ACAD11: variants seen among roughly 807,000 people sequenced by gnomAD.
ACAD11 encodes the protein acyl-Coenzyme A dehydrogenase family, member 11.
Under a neutral mutation model 102.2 loss-of-function variants are expected in ACAD11, and 83 were observed. The observed-to-expected ratio is 0.81, with a 90% CI of 0.68 to 0.97. The LOEUF is 0.97. Ranked by LOEUF, ACAD11 falls within the 50% of genes least tolerant of loss-of-function variation. The pLI is 0.00. For synonymous variants in ACAD11, 324 were observed against 319.8 expected (o/e 1.01, Z -0.14); for missense variants, 901 against 951.7 (o/e 0.95, Z 0.70).
In ACAD11 at chr3:132,618,716, G is replaced by C. The variant is rs773619471; in HGVS notation, c.1332C>G (p.Leu444=). ...WNLFLPAVSG[L]SHVDYALIAE... is the part of the protein sequence containing the mutation. Reference sequence around the variant, plus strand: ...CAATCAAGGCATAGTCCACGTGGCTGAGTCCGCTGACAGCTGGCAAAAACA... The same window carrying C: ...CAATCAAGGCATAGTCCACGTGGCTCAGTCCGCTGACAGCTGGCAAAAACA... Residue 444 remains leucine, a synonymous_variant, in exon 11 of 20, where the codon CTC becomes CTG. Transcript: ENST00000264990. 6.2e-6 allele frequency: 10 copies of C among 1,603,726 alleles called. No homozygotes were observed. Among genetic ancestry groups the C allele is most frequent in the Non-Finnish European group, 8.5e-6 (10 of 1,175,860 alleles).
chr3:132,607,859 G>A (rs904978340), intron 11 of ACAD11, among the ~76,000 whole-genome samples: 1 of 152,054 alleles, frequency 6.6e-6, no homozygotes, highest in African/African-American at 2.4e-5. Flanking sequence ...GAAAAAATGT[G>A]AGGGGCAGCC....
chr3:132,598,517 C>T (rs1938414996), intron 13 of ACAD11, among the ~76,000 whole-genome samples: 1 of 152,164 alleles, frequency 6.6e-6, no homozygotes, highest in Admixed American at 6.5e-5. Context: ...CCTAGAGGAA[C>T]AAGGTAGTAT....
At chr3:132,582,280 A>G (rs985356712) in intron 13 of ACAD11, among the ~76,000 whole-genome samples, 1 of 151,910 alleles carries the variant, frequency 6.6e-6, no homozygotes, top group African/African-American at 2.4e-5. Flanking sequence ...ATTAAGAAAG[A>G]GAAAAAATAT....
chr3:132,606,657 C>A (rs1938850532), intron 11 of ACAD11, among the ~76,000 whole-genome samples: 1 of 152,210 alleles, frequency 6.6e-6, no homozygotes, highest in Non-Finnish European at 1.5e-5. Flanking sequence ...AAACTCCCAT[C>A]TCCCTGGGAC....
intron 17 of ACAD11, among the ~76,000 whole-genome samples, chr3:132,562,963 C>A (rs1937105956): frequency 6.6e-6 from 1 of 152,150 alleles, no homozygotes; most frequent in South Asian, 2.1e-4. Context: ...TTACCTTTTA[C>A]ATTTAGATCT....
intron 13 of ACAD11, 147 bp from the exon 14 acceptor site, chr3:132,579,705 G>GT: frequency 1.6e-6 from 1 of 628,200 alleles, no homozygotes; most frequent in Non-Finnish European, 2.7e-6. Flanking sequence ...TAATTCTTTT[G>GT]TAACACTCTA....
At chr3:132,650,866 T>A (rs934994638) in intron 1 of ACAD11, among the ~76,000 whole-genome samples, 2 of 152,154 alleles carry the variant, frequency 1.3e-5, no homozygotes, top group African/African-American at 4.8e-5. Context: ...CTTTTATACT[T>A]GTTTACTGCA....
intron 17 of ACAD11, among the ~76,000 whole-genome samples, chr3:132,573,383 G>T (rs1181481187): frequency 6.6e-6 from 1 of 151,956 alleles, no homozygotes; most frequent in Admixed American, 6.6e-5. Context: ...AAAATATAAA[G>T]TATCTCATTA....
At chr3:132,645,472 C>T (rs1940683073) in intron 1 of ACAD11, among the ~76,000 whole-genome samples, 2 of 152,148 alleles carry the variant, frequency 1.3e-5, no homozygotes, top group African/African-American at 2.4e-5. Context: ...CATTGACTTT[C>T]CCTGCCAGAT....
chr3:132,641,235 A>T (rs1940480432), intron 4 of ACAD11, among the ~76,000 whole-genome samples: 1 of 152,116 alleles, frequency 6.6e-6, no homozygotes, highest in African/African-American at 2.4e-5. Flanking sequence ...AATGTCTGCT[A>T]GTCCAATTGA....
intron 13 of ACAD11, among the ~76,000 whole-genome samples, chr3:132,596,211 A>G (rs918957795): frequency 3.9e-5 from 6 of 152,196 alleles, no homozygotes; most frequent in Admixed American, 3.3e-4. Flanking sequence ...GTTCTCACTT[A>G]TAAGTGGGAG....
intron 11 of ACAD11, among the ~76,000 whole-genome samples, chr3:132,607,053 G>A (rs1220199305): frequency 6.6e-6 from 1 of 152,140 alleles, no homozygotes; most frequent in African/African-American, 2.4e-5. Flanking sequence ...GACTCAGAAG[G>A]AAAACTAACA....
chr3:132,621,276 T>C (rs552493996), intron 9 of ACAD11: 12 of 152,208 alleles, frequency 7.9e-5, no homozygotes, highest in African/African-American at 2.4e-4. Context: ...AGTAGGGCAG[T>C]GCATCAGTCT....
chr3:132,567,341 C>T (rs1937241841), intron 17 of ACAD11, among the ~76,000 whole-genome samples: 1 of 152,050 alleles, frequency 6.6e-6, no homozygotes, highest in African/African-American at 2.4e-5. Flanking sequence ...AATGTCTATA[C>T]TTGACTCAAA....
chr3:132,613,757 G>A (rs769827309), intron 11 of ACAD11, among the ~76,000 whole-genome samples: 2 of 152,068 alleles, frequency 1.3e-5, no homozygotes, highest in African/African-American at 2.4e-5. Flanking sequence ...AAATTAGTCG[G>A]GCATGGTGGC....
At chr3:132,588,223 A>G (rs984671095) in intron 13 of ACAD11, among the ~76,000 whole-genome samples, 2 of 151,726 alleles carry the variant, frequency 1.3e-5, no homozygotes, top group Admixed American at 1.3e-4. Context: ...GTATGTATGT[A>G]TGCATGTAGG....
intron 1 of ACAD11, among the ~76,000 whole-genome samples, chr3:132,657,706 A>G (rs1277484131): frequency 6.6e-6 from 1 of 152,212 alleles, no homozygotes; most frequent in Admixed American, 6.5e-5. Context: ...AACTGTTGCT[A>G]AAGTAGAGAA....
chr3:132,653,947 C>T (rs1281901978), intron 1 of ACAD11, among the ~76,000 whole-genome samples: 1 of 152,082 alleles, frequency 6.6e-6, no homozygotes, highest in African/African-American at 2.4e-5. Flanking sequence ...ATGTCTAGTC[C>T]AGATCTCTGC....
At chr3:132,568,829 A>C (rs764880923) in intron 17 of ACAD11, among the ~76,000 whole-genome samples, 65 of 143,294 alleles carry the variant, frequency 4.5e-4, no homozygotes, top group Non-Finnish European at 8.2e-4. Flanking sequence ...AAAAAAAAAG[A>C]AGCTTGACCT....
Sources: gnomAD v4.1 joint callset for allele counts (sites outside exome capture counted in the v4.1 genomes callset) on GRCh38, gnomAD v4.1.1 for gene constraint, MANE v1.5 for transcripts, NCBI Gene and HGNC (gene_info 2026-07-23, HGNC 2026-07-21) for gene names.